MAPK9: variants seen among roughly 807,000 people sequenced by gnomAD.
MAPK9 encodes mitogen-activated protein kinase 9.
Under a neutral mutation model 57.1 loss-of-function variants are expected in MAPK9, and 30 were observed. That is an observed-to-expected ratio of 0.53 (90% confidence interval 0.39 to 0.71). The LOEUF is 0.71. MAPK9 is among the 30% of genes least tolerant of loss of function. The pLI is 0.00. For synonymous variants in MAPK9, 155 were observed against 177.0 expected (o/e 0.88, Z 0.99); for missense variants, 362 against 521.0 (o/e 0.69, Z 2.97).
intron 5 of MAPK9, among the ~76,000 whole-genome samples, chr5:180,249,406 A>G (rs1253781512): frequency 1.3e-5 from 2 of 151,572 alleles, no homozygotes; most frequent in African/African-American, 4.9e-5. Flanking sequence ...AGGCTGTCCT[A>G]TCTACCCTCC....
In MAPK9 at chr5:180,248,962, G is replaced by A; in HGVS notation, c.616+11C>T. On this transcript the variant is annotated intron_variant, in intron 6 of 11. Transcript: ENST00000452135. ...AACATCCCAGCCTCTTCCAGCCCCG[G>A]CTATACTCACCGTTCTCTTTGTAGC... The A allele has an allele frequency of 1.3e-6, 2 of 1,596,438 alleles. No individual in the cohort carries two copies. Among genetic ancestry groups the A allele is most frequent in the Non-Finnish European group, 1.7e-6 (2 of 1,170,988 alleles).
intron 1 of MAPK9, among the ~76,000 whole-genome samples, chr5:180,283,384 G>A (rs1018183793): frequency 6.6e-6 from 1 of 152,178 alleles, no homozygotes; most frequent in Admixed American, 6.5e-5. Flanking sequence ...AGAGATGGAA[G>A]TCACATGCTG....
intron 2 of MAPK9, among the ~76,000 whole-genome samples, chr5:180,271,887 A>G (rs1417313024): frequency 6.6e-6 from 1 of 152,174 alleles, no homozygotes; most frequent in Non-Finnish European, 1.5e-5. Context: ...TTCCCCACAC[A>G]TTTCTAATAA....
chr5:180,269,254 A>G (rs1302004323), intron 3 of MAPK9, 26 bp downstream of exon 3: 13 of 1,606,506 alleles, frequency 8.1e-6, no homozygotes, highest in Admixed American at 1.7e-5. Flanking sequence ...ATGGAAGCAC[A>G]CAGACAAAAT....
intron 7 of MAPK9, among the ~76,000 whole-genome samples, chr5:180,244,310 C>CA (rs946313235): frequency 3.3e-5 from 5 of 152,196 alleles, no homozygotes; most frequent in Non-Finnish European, 7.3e-5. Context: ...GACTCAAGGA[C>CA]AAGCTCCCTC....
chr5:180,252,383 C>T (rs1409034988), intron 5 of MAPK9, among the ~76,000 whole-genome samples: 2 of 152,114 alleles, frequency 1.3e-5, no homozygotes, highest in African/African-American at 2.4e-5. Flanking sequence ...AGCCTGTGGC[C>T]GTCTGGGGTC....
At chr5:180,286,445 C>A (rs1425798278) in intron 1 of MAPK9, among the ~76,000 whole-genome samples, 5 of 151,574 alleles carry the variant, frequency 3.3e-5, no homozygotes, top group Non-Finnish European at 7.4e-5. Flanking sequence ...CGCCTGGCCT[C>A]CTACTGTAAT....
intron 2 of MAPK9, among the ~76,000 whole-genome samples, chr5:180,277,363 G>A (rs765249343): frequency 1.8e-4 from 28 of 152,168 alleles, no homozygotes; most frequent in Non-Finnish European, 3.7e-4. Flanking sequence ...GCTGGTTGGA[G>A]GCTTCCTGTA....
chr5:180,285,817 A>G (rs559883531), intron 1 of MAPK9, among the ~76,000 whole-genome samples: 157 of 151,746 alleles, frequency 1.0e-3, no homozygotes, highest in African/African-American at 3.6e-3. Context: ...GGTGGCTCAC[A>G]CCTGTAATCC....
At chr5:180,260,538 C>T (rs535251779) in intron 5 of MAPK9, among the ~76,000 whole-genome samples, 23 of 152,156 alleles carry the variant, frequency 1.5e-4, no homozygotes, top group Non-Finnish European at 2.9e-4. Flanking sequence ...CATCTCTGGA[C>T]TGTTGATTTC....
chr5:180,274,269 A>C (rs1761619497), intron 2 of MAPK9, among the ~76,000 whole-genome samples: 1 of 152,150 alleles, frequency 6.6e-6, no homozygotes, highest in Admixed American at 6.5e-5. Context: ...GCAATTTTGC[A>C]GGGGGAGGGG....
intron 2 of MAPK9, among the ~76,000 whole-genome samples, chr5:180,279,329 C>A (rs1297846087): frequency 6.6e-6 from 1 of 152,134 alleles, no homozygotes; most frequent in Non-Finnish European, 1.5e-5. Context: ...TTAAGATCAC[C>A]ATTACTTTAG....
At chr5:180,282,147 G>A (rs1762367906) in intron 1 of MAPK9, among the ~76,000 whole-genome samples, 1 of 152,158 alleles carries the variant, frequency 6.6e-6, no homozygotes, top group South Asian at 2.1e-4. Flanking sequence ...GCTGGTCTTT[G>A]GGGCACTGTG....
At chr5:180,254,639 A>C (rs915588191) in intron 5 of MAPK9, among the ~76,000 whole-genome samples, 10 of 152,244 alleles carry the variant, frequency 6.6e-5, no homozygotes, top group Admixed American at 2.0e-4. Flanking sequence ...GCCCACATCA[A>C]GGCATACATC....
intron 5 of MAPK9, among the ~76,000 whole-genome samples, chr5:180,257,165 T>C (rs924843094): frequency 6.6e-6 from 1 of 152,214 alleles, no homozygotes. Flanking sequence ...GGACAAGAGC[T>C]ATCCCTGACG....
chr5:180,267,614 T>C (rs898876549), intron 3 of MAPK9, among the ~76,000 whole-genome samples: 2 of 140,804 alleles, frequency 1.4e-5, no homozygotes, highest in African/African-American at 2.6e-5. Context: ...ATTAGAGAAA[T>C]TTAAACCAAC....
At chr5:180,260,179 C>T (rs1759778368) in intron 5 of MAPK9, among the ~76,000 whole-genome samples, 2 of 152,076 alleles carry the variant, frequency 1.3e-5, no homozygotes, top group African/African-American at 4.8e-5. Context: ...TACTTGAAGA[C>T]ATAAAAGAAC....
intron 10 of MAPK9, 65 bp from the exon 11 acceptor site, chr5:180,238,468 C>G: frequency 8.7e-7 from 1 of 1,151,044 alleles, no homozygotes; most frequent in Non-Finnish European, 1.3e-6. Flanking sequence ...TATCTCTAAA[C>G]TCTGCTTCCA....
chr5:180,258,276 C>T (rs1209124177), intron 5 of MAPK9: 1 of 152,150 alleles, frequency 6.6e-6, no homozygotes, highest in African/African-American at 2.4e-5. Context: ...ACCTTCATAA[C>T]CATAAAGGTG....
Sources: gnomAD v4.1 joint callset for allele counts (sites outside exome capture counted in the v4.1 genomes callset) on GRCh38, gnomAD v4.1.1 for gene constraint, MANE v1.5 for transcripts, NCBI Gene and HGNC (gene_info 2026-07-23, HGNC 2026-07-21) for gene names.